Variants in OR9A2 observed in about 807,000 individuals in gnomAD.
OR9A2 encodes olfactory receptor family 9 subfamily A member 2.
Under a neutral mutation model 18.7 loss-of-function variants are expected in OR9A2, and 14 were observed. The ratio of observed to expected loss-of-function variants is 0.75; its 90% CI spans 0.50 to 1.17. OR9A2 has a LOEUF of 1.17. Among genes scored for constraint, OR9A2 ranks in the 50% most tolerant of loss-of-function variants. The pLI is 0.00. For synonymous variants in OR9A2, 142 were observed against 142.6 expected, an observed-to-expected ratio of 1.00 and a Z score of 0.03; for missense variants, 353 against 372.7, an observed-to-expected ratio of 0.95 and a Z score of 0.44.
rs760390995 is a variant in OR9A2, at chr7:143,027,080, C to A, written c.53G>T (p.Gly18Val). Residue 18 changes from glycine to valine, a missense_variant, in exon 1 of 1, where the codon GGG becomes GTG. By Grantham distance (109) the Gly-to-Val change is moderately radical. Coordinates refer to ENST00000350513, the MANE Select transcript of OR9A2 (RefSeq NM_001001658.1). ...ATEFHLLGFP[G>V]SQGLHHILFA... ...AAGAATGTGGTGTAGTCCTTGGGAC[C>A]CAGGGAAGCCTAGAAGGTGGAATTC... 1.2e-6 allele frequency: 2 copies of A among 1,612,064 alleles called. No individual in the cohort carries two copies. The highest frequency in any genetic ancestry group is 1.7e-6 in the Non-Finnish European group (2 of 1,178,976).
Position 143,027,081 on chromosome 7 carries a change from C to T in OR9A2, c.52G>A (p.Gly18Arg). Residue 18 changes from glycine (G) to arginine (R), a missense_variant, in exon 1 of 1, where the codon GGG (glycine) becomes AGG (arginine). Physicochemically the swap from Gly to Arg is moderately radical, Grantham distance 125. Coordinates refer to ENST00000350513, the MANE Select transcript of OR9A2 (RefSeq NM_001001658.1). ...AGAATGTGGTGTAGTCCTTGGGACCCAGGGAAGCCTAGAAGGTGGAATTCA... is the reference window on the plus strand; with the variant it reads ...AGAATGTGGTGTAGTCCTTGGGACCTAGGGAAGCCTAGAAGGTGGAATTCA... ...ATEFHLLGFP[G>R]SQGLHHILFA... 1.2e-6 allele frequency: 2 copies of T among 1,612,196 alleles called. No individual in the cohort carries two copies. Among genetic ancestry groups the T allele is most frequent in the Non-Finnish European group, 1.7e-6 (2 of 1,179,018 alleles).
Position 143,026,230 on chromosome 7 carries a change from C to T in OR9A2, c.903G>A (p.Met301Ile), listed in dbSNP as rs770958189. The T allele has an allele frequency of 2.5e-6, 4 of 1,607,078 alleles. No homozygotes were observed. The highest frequency in any genetic ancestry group is 3.4e-6 in the Non-Finnish European group (4 of 1,176,618). Residue 301 changes from methionine (M) to isoleucine (I), a missense_variant, in exon 1 of 1, where the codon ATG (methionine) becomes ATA (isoleucine). Met to Ile is a conservative substitution (Grantham distance 10). Coordinates refer to ENST00000350513, the MANE Select transcript of OR9A2 (RefSeq NM_001001658.1). Reference sequence around the variant, plus strand: ...CTTTCAGGAGTTGACAGCAGCGTTTCATCCCATCTCGGAGGGCCTCTTTGA... The same window carrying T: ...CTTTCAGGAGTTGACAGCAGCGTTTTATCCCATCTCGGAGGGCCTCTTTGA... ...DKVKEALRDG[M>I]KRCCQLLKD
At position 143,026,934 on chromosome 7, in the gene OR9A2, TAG is replaced by T. The variant is rs1797853959; in HGVS notation, c.197_198del (p.Ser66TyrfsTer58). 1.2e-6 allele frequency: 2 copies of T among 1,614,054 alleles called. No homozygotes were observed. The highest frequency in any genetic ancestry group is 1.7e-6 in the Non-Finnish European group (2 of 1,180,010). On this transcript the variant is annotated frameshift_variant, in exon 1 of 1. Transcript: ENST00000350513. LOFTEE classifies it high-confidence loss of function. Reference protein sequence around the residue: ...SPMYFFLSHLSTLEILVTTII... With the variant: ...SPMYFFLSHLXTLEILVTTII... The stretch of plus-strand genomic sequence containing the variant: ...ATGGTTGTGACCAGGATCTCCAGGG[TAG>T]AGAGGTGGCTGAGGAAGAAATACAT...
In OR9A2 at chr7:143,026,921, AG is replaced by A. The variant is rs745816607; in HGVS notation, c.211del (p.Leu71TrpfsTer5). 1 of 1,614,182 alleles carries A rather than the reference AG, an allele frequency of 6.2e-7. No individual in the cohort carries two copies. The highest frequency in any genetic ancestry group is 1.1e-5 in the South Asian group (1 of 91,082). On this transcript the variant is annotated frameshift_variant, in exon 1 of 1. Coordinates refer to ENST00000350513, the MANE Select transcript of OR9A2 (RefSeq NM_001001658.1). LOFTEE classifies it high-confidence loss of function. ...CATGGGGACAATTATGGTTGTGACC[AG>A]GATCTCCAGGGTAGAGAGGTGGCTG... ...FLSHLSTLEI[L>X]VTTIIVPMML... is the part of the protein sequence containing the mutation.
rs768111948 is a variant in OR9A2, at chr7:143,026,241, G to A, written c.892C>T (p.Arg298Ter). The A allele has an allele frequency of 1.1e-5, 17 of 1,611,002 alleles. No individual in the cohort carries two copies. The highest frequency in any genetic ancestry group is 5.5e-5 in the South Asian group (5 of 90,566). ...LRNDKVKEAL[R>*]DGMKRCCQLL... ...TGACAGCAGCGTTTCATCCCATCTC[G>A]GAGGGCCTCTTTGACTTTGTCATTC... The change falls in exon 1 of 1, where the codon CGA becomes TGA. Residue 298 changes from arginine (R) to a stop codon, truncating the protein, a stop_gained. Coordinates refer to ENST00000350513, the MANE Select transcript of OR9A2 (RefSeq NM_001001658.1). LOFTEE classifies it high-confidence loss of function.
Position 143,026,206 on chromosome 7 carries a change from T to C in OR9A2, c.927A>G (p.Lys309=). 1 of 1,587,156 alleles carries C rather than the reference T, an allele frequency of 6.3e-7. No homozygotes were observed. The highest frequency in any genetic ancestry group is 1.2e-5 in the South Asian group (1 of 86,274). ...AAACTGACTTACAGAACAGCTAATCTTTCAGGAGTTGACAGCAGCGTTTCA... is the reference window on the plus strand; with the variant it reads ...AAACTGACTTACAGAACAGCTAATCCTTCAGGAGTTGACAGCAGCGTTTCA... ...DGMKRCCQLL[K]D is the part of the protein sequence containing the mutation. The change falls in exon 1 of 1, where the codon AAA becomes AAG. Residue 309 remains lysine (K), a synonymous_variant. Coordinates refer to ENST00000350513, the MANE Select transcript of OR9A2 (RefSeq NM_001001658.1).
rs544751898 is a variant in OR9A2, at chr7:143,026,393, C to T, written c.740G>A (p.Gly247Asp). The T allele has an allele frequency of 1.2e-6, 2 of 1,613,896 alleles. No homozygotes were observed. The highest frequency in any genetic ancestry group is 1.7e-6 in the Non-Finnish European group (2 of 1,180,000). ...FASHFTCVVI[G>D]YGSCLFLYVK... ...GTAGAGAAACAAGCAGCTGCCATAG[C>T]CAATCACAACACAGGTGAAGTGGGA... Residue 247 changes from glycine to aspartate, a missense_variant, in exon 1 of 1, where the codon GGC (glycine) becomes GAC (aspartate). Gly to Asp is a moderately conservative substitution (Grantham distance 94, BLOSUM62 -1). Coordinates refer to ENST00000350513, the MANE Select transcript of OR9A2 (RefSeq NM_001001658.1).
At position 143,026,300 on chromosome 7, in the gene OR9A2, G is replaced by A. The variant is rs947348213; in HGVS notation, c.833C>T (p.Thr278Ile). ...AAAGATGAAAGGATTCAGGAAGGGG[G>A]TTAACACAGAAACCAACAGGGAAAC... Reference protein sequence around the residue: ...KIVSLLVSVLTPFLNPFIFTL... With the variant: ...KIVSLLVSVLIPFLNPFIFTL... Residue 278 changes from threonine (T) to isoleucine (I), a missense_variant, in exon 1 of 1, where the codon ACC becomes ATC. Transcript: ENST00000350513. 6.2e-7 allele frequency: 1 copy of A among 1,614,036 alleles called. No homozygotes were observed. Among genetic ancestry groups the A allele is most frequent in the South Asian group, 1.1e-5 (1 of 91,054 alleles).
At position 143,026,313 on chromosome 7, in the gene OR9A2, C is replaced by A. The variant is rs1357682109; in HGVS notation, c.820G>T (p.Val274Phe). 3 of 1,613,882 alleles carry A rather than the reference C, an allele frequency of 1.9e-6. No homozygotes were observed. The highest frequency in any genetic ancestry group is 2.7e-5 in the African/African-American group (2 of 74,860). ...VEYNKIVSLL[V>F]SVLTPFLNPF... ...TTCAGGAAGGGGGTTAACACAGAAACCAACAGGGAAACTATCTTATTGTAC... is the reference window on the plus strand; with the variant it reads ...TTCAGGAAGGGGGTTAACACAGAAAACAACAGGGAAACTATCTTATTGTAC... Residue 274 changes from valine (V) to phenylalanine (F), a missense_variant, in exon 1 of 1, where the codon GTT becomes TTT. By Grantham distance (50) the Val-to-Phe change is conservative. Coordinates refer to ENST00000350513, the MANE Select transcript of OR9A2 (RefSeq NM_001001658.1).
rs1797858843 is a variant in OR9A2 at position 143,027,107 on chromosome 7, G to A, written c.26C>T (p.Thr9Ile). 1 of 1,606,124 alleles carries A rather than the reference G, an allele frequency of 6.2e-7. No individual in the cohort carries two copies. The highest frequency in any genetic ancestry group is 8.5e-7 in the Non-Finnish European group (1 of 1,175,716). Residue 9 changes from threonine to isoleucine, a missense_variant, in exon 1 of 1, where the codon ACT (threonine) becomes ATT (isoleucine). Transcript: ENST00000350513. ...AGGGAAGCCTAGAAGGTGGAATTCA[G>A]TGGCACTAGAGTGGTTGTCCATCAT... Reference protein sequence around the residue: MMDNHSSATEFHLLGFPGS... With the variant: MMDNHSSAIEFHLLGFPGS...
chr7:143,026,627 GA>G lies in OR9A2; in HGVS notation c.505del (p.Ser169HisfsTer2), dbSNP rs1797847427. On this transcript the variant is annotated frameshift_variant, in exon 1 of 1. Transcript: ENST00000350513. LOFTEE classifies it high-confidence loss of function. ...TCGGTCACAGTAAAAATGGTCTAAT[GA>G]ATTTGATTTGCGGAAGGTAAACTGA... ...TFQFTFRKSN[S>X]LDHFYCDRGQ... 6.2e-7 allele frequency: 1 copy of G among 1,614,094 alleles called. No homozygotes were observed. The highest frequency in any genetic ancestry group is 1.3e-5 in the African/African-American group (1 of 74,932).
Position 143,026,368 on chromosome 7 carries a change from G to A in OR9A2, c.765C>T (p.Tyr255=), listed in dbSNP as rs188754455. Residue 255 remains tyrosine (Y), a synonymous_variant, in exon 1 of 1, where the codon TAC becomes TAT. Transcript: ENST00000350513. Reference sequence around the variant, plus strand: ...CTCCCTGTGTTTGCTTGGGTTTCACGTAGAGAAACAAGCAGCTGCCATAGC... The same window carrying A: ...CTCCCTGTGTTTGCTTGGGTTTCACATAGAGAAACAAGCAGCTGCCATAGC... ...VIGYGSCLFL[Y]VKPKQTQGVE... The A allele has an allele frequency of 1.1e-4, 184 of 1,614,136 alleles. No homozygotes were observed. The highest frequency in any genetic ancestry group is 8.9e-4 in the East Asian group (40 of 44,878).
rs1367894700 is a variant in OR9A2 at position 143,027,084 on chromosome 7, G to A, written c.49C>T (p.Pro17Ser). ...SATEFHLLGF[P>S]GSQGLHHILF... ...ATGTGGTGTAGTCCTTGGGACCCAG[G>A]GAAGCCTAGAAGGTGGAATTCAGTG... The change falls in exon 1 of 1, where the codon CCT becomes TCT. Residue 17 changes from proline (P) to serine (S), a missense_variant. Coordinates refer to ENST00000350513, the MANE Select transcript of OR9A2 (RefSeq NM_001001658.1). The A allele has an allele frequency of 5.0e-6, 8 of 1,612,082 alleles. No homozygotes were observed. The highest frequency in any genetic ancestry group is 6.8e-6 in the Non-Finnish European group (8 of 1,178,916).
chr7:143,027,081 C>G lies in OR9A2; in HGVS notation c.52G>C (p.Gly18Arg). The G allele has an allele frequency of 1.2e-6, 2 of 1,612,196 alleles. No individual in the cohort carries two copies. Among genetic ancestry groups the G allele is most frequent in the Non-Finnish European group, 1.7e-6 (2 of 1,179,018 alleles). ...ATEFHLLGFP[G>R]SQGLHHILFA... Reference sequence around the variant, plus strand: ...AGAATGTGGTGTAGTCCTTGGGACCCAGGGAAGCCTAGAAGGTGGAATTCA... The same window carrying G: ...AGAATGTGGTGTAGTCCTTGGGACCGAGGGAAGCCTAGAAGGTGGAATTCA... Residue 18 changes from glycine (G) to arginine (R), a missense_variant, in exon 1 of 1, where the codon GGG becomes CGG. Physicochemically the swap from Gly to Arg is moderately radical, Grantham distance 125. Coordinates refer to ENST00000350513, the MANE Select transcript of OR9A2 (RefSeq NM_001001658.1).
At position 143,026,822 on chromosome 7, in the gene OR9A2, C is replaced by G; in HGVS notation, c.311G>C (p.Gly104Ala). 1 of 1,614,122 alleles carries G rather than the reference C, an allele frequency of 6.2e-7. No individual in the cohort carries two copies. Among genetic ancestry groups the G allele is most frequent in the Non-Finnish European group, 8.5e-7 (1 of 1,180,032 alleles). ...SLHVSLNFSC[G>A]TMEFALLGVM... ...TCCAAGTAATGCAAACTCCATGGTC[C>G]CACAGGAAAAGTTGAGCGATACATG... The change falls in exon 1 of 1, where the codon GGG becomes GCG. Residue 104 changes from glycine (G) to alanine (A), a missense_variant. By Grantham distance (60) the Gly-to-Ala change is moderately conservative (BLOSUM62 0). Coordinates refer to ENST00000350513, the MANE Select transcript of OR9A2 (RefSeq NM_001001658.1).
At position 143,026,897 on chromosome 7, in the gene OR9A2, A is replaced by G. The variant is rs1562985187; in HGVS notation, c.236T>C (p.Met79Thr). Residue 79 changes from methionine to threonine, a missense_variant, in exon 1 of 1, where the codon ATG (methionine) becomes ACG (threonine). Met to Thr is a moderately conservative substitution (Grantham distance 81, BLOSUM62 -1). Transcript: ENST00000350513. ...CAGGAAGAGCAATCCCCAAAGCATC[A>G]TGGGGACAATTATGGTTGTGACCAG... ...EILVTTIIVP[M>T]MLWGLLFLGC... The G allele has an allele frequency of 6.2e-7, 1 of 1,614,042 alleles. No homozygotes were observed. Among genetic ancestry groups the G allele is most frequent in the East Asian group, 2.2e-5 (1 of 44,880 alleles).
In OR9A2 at chr7:143,026,635, T is replaced by A; in HGVS notation, c.498A>T (p.Lys166Asn). Residue 166 changes from lysine to asparagine, a missense_variant, in exon 1 of 1, where the codon AAA (lysine) becomes AAT (asparagine). By Grantham distance (94) the Lys-to-Asn change is moderately conservative. Coordinates refer to ENST00000350513, the MANE Select transcript of OR9A2 (RefSeq NM_001001658.1). ...AGTAAAAATGGTCTAATGAATTTGA[T>A]TTGCGGAAGGTAAACTGAAATGTGG... ...IYATFQFTFR[K>N]SNSLDHFYCD... 7 of 1,614,152 alleles carry A rather than the reference T, an allele frequency of 4.3e-6. No homozygotes were observed. The highest frequency in any genetic ancestry group is 5.9e-6 in the Non-Finnish European group (7 of 1,180,030).
Position 143,026,897 on chromosome 7 carries a change from AT to A in OR9A2, c.235del (p.Met79Ter), listed in dbSNP as rs773305699. 8.7e-5 allele frequency: 140 copies of A among 1,613,924 alleles called. No homozygotes were observed. Among genetic ancestry groups the A allele is most frequent in the Non-Finnish European group, 1.2e-4 (136 of 1,179,884 alleles). On this transcript the variant is annotated frameshift_variant, in exon 1 of 1. Transcript: ENST00000350513. LOFTEE classifies it high-confidence loss of function. ...EILVTTIIVP[M>X]MLWGLLFLGC... ...CAGGAAGAGCAATCCCCAAAGCATC[AT>A]GGGGACAATTATGGTTGTGACCAGG...
rs544751898 is a variant in OR9A2, at chr7:143,026,393, C to G, written c.740G>C (p.Gly247Ala). The change falls in exon 1 of 1, where the codon GGC (glycine) becomes GCC (alanine). Residue 247 changes from glycine to alanine, a missense_variant. Physicochemically the swap from Gly to Ala is moderately conservative, Grantham distance 60. Transcript: ENST00000350513. ...FASHFTCVVI[G>A]YGSCLFLYVK... ...GTAGAGAAACAAGCAGCTGCCATAG[C>G]CAATCACAACACAGGTGAAGTGGGA... 2.0e-4 allele frequency: 330 copies of G among 1,614,014 alleles called. 5 individuals carry two copies. The South Asian group carries it at 3.5e-3, about 17-fold the overall frequency.
Sources: gnomAD v4.1 joint callset for allele counts on GRCh38, gnomAD v4.1.1 for gene constraint, MANE v1.5 for transcripts, NCBI Gene and HGNC (gene_info 2026-07-23, HGNC 2026-07-21) for gene names.